Variants in HS6ST1 observed in about 807,000 individuals in gnomAD.
HS6ST1 encodes heparan sulfate 6-O-sulfotransferase 1.
A neutral mutation model predicts 25.2 loss-of-function variants in HS6ST1; 3 were observed. The observed-to-expected ratio is 0.12, with a 90% CI of 0.05 to 0.31. HS6ST1 has a LOEUF of 0.31. Among genes scored for constraint, HS6ST1 ranks in the 10% least tolerant of loss-of-function variants. The probability of loss-of-function intolerance (pLI) is 1.00; values close to 1 mark genes in which losing one functional copy is unlikely to be tolerated. For missense variants in HS6ST1, 310 were observed against 609.6 expected (o/e 0.51, Z 5.18); for synonymous variants, 204 against 275.1 (o/e 0.74, Z 2.56).
Position 128,318,833 on chromosome 2 carries a change from A to G in HS6ST1, c.-270T>C, listed in dbSNP as rs1694421755. Among the ~76,000 whole-genome samples, 1 of 146,572 alleles carries G rather than the reference A, an allele frequency of 6.8e-6. No homozygotes were observed. Among genetic ancestry groups the G allele is most frequent in the African/African-American group, 2.5e-5 (1 of 40,376 alleles). ...CAGCGCTCTCCGCGCCCCCAGCACC[A>G]GCCCGCTCCGCTCCACTCCGCGCCG... On this transcript the variant is annotated 5_prime_UTR_variant, in exon 1 of 2. Coordinates refer to ENST00000259241, the MANE Select transcript of HS6ST1 (RefSeq NM_004807.3). The surrounding 1 kb of genome is among the most constrained non-coding windows in gnomAD (Gnocchi z 5.7).
intron 1 of HS6ST1, among the ~76,000 whole-genome samples, chr2:128,270,865 A>G (rs184576094): frequency 1.8e-3 from 274 of 152,224 alleles, no homozygotes; most frequent in African/African-American, 6.4e-3. Context: ...AGCCACAAGG[A>G]CTCTGGCCCC....
chr2:128,315,283 T>A (rs1012348882), intron 1 of HS6ST1, among the ~76,000 whole-genome samples: 1 of 152,152 alleles, frequency 6.6e-6, no homozygotes, highest in Non-Finnish European at 1.5e-5. Flanking sequence ...ATCAAAAACC[T>A]GTCCATCTCC....
chr2:128,316,801 AAG>A (rs1298613047), intron 1 of HS6ST1, among the ~76,000 whole-genome samples: 1 of 152,004 alleles, frequency 6.6e-6, no homozygotes, highest in Non-Finnish European at 1.5e-5. Flanking sequence ...CAGCCTGAGA[AAG>A]ACCACAGAGC....
chr2:128,315,966 A>C (rs1694357108), intron 1 of HS6ST1, among the ~76,000 whole-genome samples: 1 of 152,134 alleles, frequency 6.6e-6, no homozygotes, highest in African/African-American at 2.4e-5. Context: ...GGGCCTCCTG[A>C]CGGCCCTGGA....
At chr2:128,310,077 C>T (rs60322847) in intron 1 of HS6ST1, among the ~76,000 whole-genome samples, 8,240 of 152,256 alleles carry the variant, frequency 0.054, 757 homozygotes, top group African/African-American at 0.19. Context: ...CCGGCTCCAG[C>T]CACAAGGTAG....
chr2:128,278,735 T>A (rs542733575), intron 1 of HS6ST1, among the ~76,000 whole-genome samples: 31 of 152,296 alleles, frequency 2.0e-4, no homozygotes, highest in Non-Finnish European at 4.1e-4. Context: ...CACTCTGTGG[T>A]CATGGTTTTG....
At chr2:128,294,485 G>T (rs1694007444) in intron 1 of HS6ST1, among the ~76,000 whole-genome samples, 1 of 152,220 alleles carries the variant, frequency 6.6e-6, no homozygotes, top group Middle Eastern at 3.2e-3. Flanking sequence ...AGAGTCAAGA[G>T]GCGCTGGCTG....
At chr2:128,296,346 G>A (rs1302890218) in intron 1 of HS6ST1, among the ~76,000 whole-genome samples, 1 of 152,178 alleles carries the variant, frequency 6.6e-6, no homozygotes, top group Admixed American at 6.5e-5. Flanking sequence ...TCAGAGTACC[G>A]GAAGTTCTAG....
intron 1 of HS6ST1, among the ~76,000 whole-genome samples, chr2:128,292,748 G>A (rs911117232): frequency 2.6e-5 from 4 of 152,112 alleles, no homozygotes; most frequent in Non-Finnish European, 5.9e-5. Flanking sequence ...TGGGGCGGAG[G>A]GGAGGGGCGG....
At chr2:128,292,060 G>C (rs375659923) in intron 1 of HS6ST1, among the ~76,000 whole-genome samples, 4 of 151,612 alleles carry the variant, frequency 2.6e-5, no homozygotes, top group African/African-American at 7.3e-5. Flanking sequence ...AGAGGGGCCT[G>C]GATGGAGCCG....
At chr2:128,269,169 CAG>C (rs1693572601) in intron 1 of HS6ST1, among the ~76,000 whole-genome samples, 1 of 152,222 alleles carries the variant, frequency 6.6e-6, no homozygotes, top group Non-Finnish European at 1.5e-5. Flanking sequence ...ATACCGCATC[CAG>C]AGAAGTCGCA....
chr2:128,316,708 GGT>G (rs143387468), intron 1 of HS6ST1, among the ~76,000 whole-genome samples: 3 of 150,958 alleles, frequency 2.0e-5, no homozygotes, highest in African/African-American at 7.4e-5. Flanking sequence ...TGTGTGTGTG[GGT>G]GTGTGTGTGT....
intron 1 of HS6ST1, among the ~76,000 whole-genome samples, chr2:128,316,443 A>C (rs1694364131): frequency 6.6e-6 from 1 of 152,312 alleles, no homozygotes; most frequent in Non-Finnish European, 1.5e-5. Flanking sequence ...CTGGGAGCCT[A>C]CTGCTCTGAC....
At chr2:128,289,117 C>T (rs1693910496) in intron 1 of HS6ST1, among the ~76,000 whole-genome samples, 1 of 152,152 alleles carries the variant, frequency 6.6e-6, no homozygotes, top group South Asian at 2.1e-4. Context: ...CTAAACAGCC[C>T]ACCCCAGAGA....
At chr2:128,290,702 T>C (rs1316537523) in intron 1 of HS6ST1, among the ~76,000 whole-genome samples, 1 of 151,548 alleles carries the variant, frequency 6.6e-6, no homozygotes, top group Non-Finnish European at 1.5e-5. Flanking sequence ...CCAGGCGTGG[T>C]AGCTCACACT....
chr2:128,269,944 T>G (rs755263752), intron 1 of HS6ST1, among the ~76,000 whole-genome samples: 1 of 152,120 alleles, frequency 6.6e-6, no homozygotes, highest in Non-Finnish European at 1.5e-5. Flanking sequence ...CACAAAGCGC[T>G]TCTTGGTGTC....
chr2:128,299,145 G>C (rs1435951597), intron 1 of HS6ST1, among the ~76,000 whole-genome samples: 1 of 152,260 alleles, frequency 6.6e-6, no homozygotes, highest in Non-Finnish European at 1.5e-5. Flanking sequence ...TCTTTGCAGG[G>C]ACAGAGCAGG....
intron 1 of HS6ST1, among the ~76,000 whole-genome samples, chr2:128,308,166 ACGCAGGACAGTGGTGCTGAG>A (rs1694239022): frequency 6.6e-6 from 1 of 152,218 alleles, no homozygotes; most frequent in African/African-American, 2.4e-5. Context: ...AACATGTGAA[ACGCAGGACAGTGGTGCTGAG>A]CGAGGCTGCA....
intron 1 of HS6ST1, among the ~76,000 whole-genome samples, chr2:128,308,966 A>AT (rs765741978): frequency 1.3e-5 from 2 of 152,230 alleles, no homozygotes; most frequent in East Asian, 1.9e-4. Flanking sequence ...AACTGTGGGT[A>AT]TAATTCCAAC....
Sources: gnomAD v4.1 joint callset for allele counts (sites outside exome capture counted in the v4.1 genomes callset) on GRCh38, gnomAD v4.1.1 for gene constraint, Gnocchi (gnomAD v3.1) non-coding constraint, MANE v1.5 for transcripts, NCBI Gene and HGNC (gene_info 2026-07-23, HGNC 2026-07-21) for gene names.